The following SEC23A variants were observed in gnomAD, a reference collection of about 807,000 sequenced individuals.
SEC23A encodes the protein SEC23 homolog A, COPII component.
In SEC23A, 56 loss-of-function variants were observed where a neutral mutation model predicts 103.7. The observed-to-expected ratio is 0.54, with a 90% CI of 0.44 to 0.67. The LOEUF (loss-of-function observed/expected upper bound fraction) is 0.67. Among genes scored for constraint, SEC23A ranks in the 30% least tolerant of loss-of-function variants. The pLI, the probability that SEC23A is intolerant of heterozygous loss-of-function variation, is 0.00. For missense variants in SEC23A, 784 were observed against 936.4 expected (o/e 0.84, Z 2.12); for synonymous variants, 281 against 293.0 (o/e 0.96, Z 0.42).
intron 13 of SEC23A, among the ~76,000 whole-genome samples, chr14:39,058,952 G>A (rs956606880): frequency 3.3e-5 from 5 of 152,172 alleles, no homozygotes; most frequent in Admixed American, 3.3e-4. Context: ...TTTTAATTCT[G>A]AAAATATAAT....
At chr14:39,050,220 T>C (rs963238543) in intron 14 of SEC23A, among the ~76,000 whole-genome samples, 5 of 152,104 alleles carry the variant, frequency 3.3e-5, no homozygotes, top group African/African-American at 1.2e-4. Context: ...ACTATTTGAG[T>C]TATTCAGAAG....
chr14:39,063,485 G>A, intron 11 of SEC23A, 72 bp from the exon 12 acceptor site: 2 of 963,548 alleles, frequency 2.1e-6, no homozygotes, highest in Non-Finnish European at 3.2e-6. Context: ...AAGTGAAAAT[G>A]GAAAAAGACC....
intron 14 of SEC23A, among the ~76,000 whole-genome samples, chr14:39,049,580 C>A (rs768950812): frequency 3.3e-5 from 5 of 151,734 alleles, no homozygotes; most frequent in Admixed American, 6.6e-5. Flanking sequence ...AGTTTGAGAC[C>A]AGCTTGGGCA....
intron 2 of SEC23A, chr14:39,095,086 T>C (rs1277879199): frequency 7.5e-6 from 5 of 670,816 alleles, no homozygotes; most frequent in Non-Finnish European, 1.3e-5. Context: ...AAAAAGACTG[T>C]GGTATCTTGA....
intron 13 of SEC23A, 116 bp downstream of exon 13, chr14:39,061,649 T>C (rs1886483545): frequency 4.1e-6 from 3 of 739,826 alleles, no homozygotes; most frequent in Non-Finnish European, 7.3e-6. Flanking sequence ...AAAATACTAT[T>C]AGTCACAAAT....
intron 1 of SEC23A, among the ~76,000 whole-genome samples, chr14:39,098,016 G>C (rs1157259726): frequency 1.3e-5 from 2 of 152,054 alleles, no homozygotes; most frequent in Admixed American, 1.3e-4. Flanking sequence ...TTGAACTGGG[G>C]GGGCAGAGGT....
intron 5 of SEC23A, 142 bp downstream of exon 5, chr14:39,091,335 C>A: frequency 1.5e-6 from 1 of 653,700 alleles, no homozygotes; most frequent in Non-Finnish European, 2.7e-6. Flanking sequence ...CTGAAGCCAG[C>A]ACTGAATTTA....
At chr14:39,087,972 G>C (rs911004233) in intron 5 of SEC23A, 1 of 152,104 alleles carries the variant, frequency 6.6e-6, no homozygotes, top group Non-Finnish European at 1.5e-5. Context: ...AAGTAACAAA[G>C]CAAGATTTTA....
chr14:39,069,834 C>T (rs1437471932), intron 9 of SEC23A, among the ~76,000 whole-genome samples: 1 of 152,116 alleles, frequency 6.6e-6, no homozygotes, highest in African/African-American at 2.4e-5. Flanking sequence ...GCACATGGCT[C>T]ACTCTCACTT....
rs556517465 is a variant in SEC23A at position 39,036,787 on chromosome 14, T to C, written c.2208+2244A>G. 2.6e-5 allele frequency among the ~76,000 whole-genome samples: 4 copies of C among 152,332 alleles called. No individual in the cohort carries two copies. In the South Asian group the frequency reaches 8.3e-4, roughly 32 times the overall value. On this transcript the variant is annotated intron_variant, in intron 19 of 19. Coordinates refer to ENST00000307712, the MANE Select transcript of SEC23A (RefSeq NM_006364.4). ...AATCATCTGCCTATCCTACTGCTTA[T>C]CCTCAGGTTAAATTTGCAAAAGAAT...
chr14:39,064,279 C>T lies in SEC23A; in HGVS notation c.1308+634G>A, dbSNP rs116673470. On this transcript the variant is annotated intron_variant, in intron 11 of 19. Transcript: ENST00000307712. ...TGATTACCCACTTTGTATTATTTGT[C>T]CCATCATCCTCTCCACAGCTACATG... is the stretch of plus-strand genomic sequence containing the variant. Among the ~76,000 whole-genome samples, 697 of 152,162 alleles carry T rather than the reference C, an allele frequency of 4.6e-3. 7 individuals carry two copies. The highest frequency in any genetic ancestry group is 0.016 in the African/African-American group (671 of 41,550).
intron 1 of SEC23A, among the ~76,000 whole-genome samples, chr14:39,096,737 A>T (rs1048399538): frequency 6.6e-6 from 1 of 152,216 alleles, no homozygotes; most frequent in African/African-American, 2.4e-5. Flanking sequence ...ATGCAAAAAT[A>T]GGGGGAAAAC....
chr14:39,076,523 T>C (rs1566502304), intron 7 of SEC23A, among the ~76,000 whole-genome samples: 1 of 151,618 alleles, frequency 6.6e-6, no homozygotes, highest in Non-Finnish European at 1.5e-5. Context: ...CCACTTGAGC[T>C]TTCCAAGTAG....
chr14:39,049,175 T>TAA (rs57579296), intron 14 of SEC23A, among the ~76,000 whole-genome samples: 158 of 138,440 alleles, frequency 1.1e-3, no homozygotes, highest in East Asian at 1.5e-3. Flanking sequence ...CCATCGCTAT[T>TAA]AAAAAAAAAA....
chr14:39,096,075 T>C lies in SEC23A; in HGVS notation c.44A>G (p.Asp15Gly). Residue 15 changes from aspartate to glycine, a missense_variant, in exon 2 of 20, where the codon GAT becomes GGT. Physicochemically the swap from Asp to Gly is moderately conservative, Grantham distance 94. Coordinates refer to ENST00000307712, the MANE Select transcript of SEC23A (RefSeq NM_006364.4). ...LEFIQQNEER[D>G]GVRFSWNVWP... is the part of the protein sequence containing the mutation. ...AACATTCCAACTAAATCGGACTCCATCTCGTTCTTCATTTTGTTGAATGAA... is the reference window on the plus strand; with the variant it reads ...AACATTCCAACTAAATCGGACTCCACCTCGTTCTTCATTTTGTTGAATGAA... 1 of 1,614,056 alleles carries C rather than the reference T, an allele frequency of 6.2e-7. No homozygotes were observed.
chr14:39,057,862 CG>C (rs1488218605), intron 13 of SEC23A, among the ~76,000 whole-genome samples: 2 of 152,106 alleles, frequency 1.3e-5, no homozygotes, highest in Admixed American at 6.5e-5. Context: ...AATAAAGTGT[CG>C]GAAGTTTCTC....
Position 39,093,250 on chromosome 14 carries a change from T to C in SEC23A, c.222-6A>G, listed in dbSNP as rs1352277459. The C allele has an allele frequency of 1.2e-6, 2 of 1,606,576 alleles. No individual in the cohort carries two copies. The highest frequency in any genetic ancestry group is 8.5e-7 in the Non-Finnish European group (1 of 1,178,458). ...TTGCTCGATAATCCACTTGACTGTT[T>C]TAAAAAAAAAGAAAAGACATATCAG... On this transcript the variant is annotated splice_polypyrimidine_tract_variant and splice_region_variant and intron_variant, in intron 2 of 19. Coordinates refer to ENST00000307712, the MANE Select transcript of SEC23A (RefSeq NM_006364.4).
chr14:39,066,337 T>C (rs554715137), intron 10 of SEC23A, among the ~76,000 whole-genome samples: 1 of 152,288 alleles, frequency 6.6e-6, no homozygotes, highest in African/African-American at 2.4e-5. Flanking sequence ...TTAGAGTTAA[T>C]TTAATAAGAA....
rs370951611 is a variant in SEC23A at position 39,045,143 on chromosome 14, T to A, written c.1899+20A>T. The A allele has an allele frequency of 1.5e-5, 24 of 1,610,398 alleles. 1 individual carries two copies. The African/African-American group carries it at 3.1e-4, about 21-fold the overall frequency. ...ACATTGCAGTAACAAGACCAATTTA[T>A]TTTTTTCTGTCCCTCTTACCTCTGG... On this transcript the variant is annotated intron_variant, in intron 16 of 19. Transcript: ENST00000307712.
Sources: gnomAD v4.1 joint callset for allele counts (sites outside exome capture counted in the v4.1 genomes callset) on GRCh38, gnomAD v4.1.1 for gene constraint, MANE v1.5 for transcripts, NCBI Gene and HGNC (gene_info 2026-07-23, HGNC 2026-07-21) for gene names.